Variants in MYO1A observed in about 807,000 individuals in gnomAD.
MYO1A encodes the protein myosin IA, also known as unconventional myosin-Ia.
Under a neutral mutation model 138.5 loss-of-function variants are expected in MYO1A, and 127 were observed. That is an observed-to-expected ratio of 0.92 (90% CI 0.79 to 1.06). The LOEUF (loss-of-function observed/expected upper bound fraction) is 1.06, where lower values mean the gene tolerates loss of function less well. MYO1A is among the 50% of genes least tolerant of loss of function. The probability of loss-of-function intolerance (pLI) is 0.00; values close to 1 mark genes in which losing one functional copy is unlikely to be tolerated. For synonymous variants in MYO1A, 477 were observed against 497.5 expected, an observed-to-expected ratio of 0.96 and a Z score of 0.55; for missense variants, 1,211 against 1,288.8, an observed-to-expected ratio of 0.94 and a Z score of 0.92.
Position 57,041,159 on chromosome 12 carries a change from G to C in MYO1A, c.1269+25C>G, listed in dbSNP as rs749940088. 5.4e-5 allele frequency: 84 copies of C among 1,563,016 alleles called. 1 individual carries two copies. The highest frequency in any genetic ancestry group is 1.2e-4 in the Admixed American group (7 of 59,916). ...ATATGCCTAGAAGTTGTTTAAGAGG[G>C]GGAAGTAGAAAAGACTTGGTTTACT... On this transcript the variant is annotated intron_variant, in intron 14 of 27. Transcript: ENST00000300119.
chr12:57,036,877 C>A, intron 20 of MYO1A, 37 bp from the exon 21 acceptor site: 1 of 1,614,082 alleles, frequency 6.2e-7, no homozygotes, highest in Non-Finnish European at 8.5e-7. Context: ...AAAATGGCAC[C>A]TCCTGAGCCA....
At chr12:57,043,414 G>T in intron 10 of MYO1A, 56 bp from the exon 11 acceptor site, 1 of 1,533,864 alleles carries the variant, frequency 6.5e-7, no homozygotes. Context: ...CTCAGGGGAG[G>T]GAGTGCAATC....
At position 57,046,643 on chromosome 12, in the gene MYO1A, A is replaced by G; in HGVS notation, c.549T>C (p.Leu183=). 6.2e-7 allele frequency: 1 copy of G among 1,606,460 alleles called. No homozygotes were observed. Among genetic ancestry groups the G allele is most frequent in the Non-Finnish European group, 8.5e-7 (1 of 1,173,024 alleles). Residue 183 remains leucine (L), a synonymous_variant, in exon 8 of 28, where the codon CTT becomes CTC. Transcript: ENST00000300119. ...PLGGVITNYL[L]EKSRLVKQLK... ...GCTGCTTCACTAATCGGGATTTCTC[A>G]AGCAGATCTGGCAGAGAATTAGAAA... is the stretch of plus-strand genomic sequence containing the variant.
At chr12:57,030,736 A>G (rs1349105452) in intron 23 of MYO1A, among the ~76,000 whole-genome samples, 1 of 152,164 alleles carries the variant, frequency 6.6e-6, no homozygotes, top group African/African-American at 2.4e-5. Flanking sequence ...AGATTATAAG[A>G]TATCAGGGGC....
In MYO1A at chr12:57,036,333, A is replaced by T; in HGVS notation, c.2323T>A (p.Leu775Met). ...KYFRSEAALT[L>M]ADFIYKSMVQ... ...ATGCTCTTGTAGATGAAATCTGCCA[A>T]GGTGAGGGCAGCCTCTGACCGGAAA... The change falls in exon 22 of 28, where the codon TTG (leucine) becomes ATG (methionine). Residue 775 changes from leucine (L) to methionine (M), a missense_variant. Transcript: ENST00000300119. The T allele has an allele frequency of 6.2e-7, 1 of 1,613,910 alleles. No individual in the cohort carries two copies. The highest frequency in any genetic ancestry group is 8.5e-7 in the Non-Finnish European group (1 of 1,179,794).
intron 8 of MYO1A, among the ~76,000 whole-genome samples, chr12:57,046,136 G>A (rs1206390041): frequency 6.6e-6 from 1 of 152,206 alleles, no homozygotes; most frequent in African/African-American, 2.4e-5. Flanking sequence ...TTCAACTAGA[G>A]TTCACTGAAA....
intron 22 of MYO1A, among the ~76,000 whole-genome samples, chr12:57,032,673 A>G (rs916231218): frequency 2.0e-5 from 3 of 152,080 alleles, no homozygotes; most frequent in Admixed American, 6.6e-5. Context: ...ACAGAGCAAG[A>G]CTGTCTAAAA....
intron 22 of MYO1A, among the ~76,000 whole-genome samples, chr12:57,033,748 C>T (rs1045246828): frequency 6.6e-6 from 1 of 152,220 alleles, no homozygotes; most frequent in Non-Finnish European, 1.5e-5. Flanking sequence ...ATTTTTGGCA[C>T]TTCCAAATGT....
rs2031135776 is a variant in MYO1A at position 57,047,121 on chromosome 12, G to C, written c.431-14C>G. ...CATTGCCAAAAGCTACAGAGATGAGGAGGGGAGAAGTGAAACTCTAGAGAA... is the reference window on the plus strand; with the variant it reads ...CATTGCCAAAAGCTACAGAGATGAGCAGGGGAGAAGTGAAACTCTAGAGAA... On this transcript the variant is annotated splice_polypyrimidine_tract_variant and intron_variant, in intron 5 of 27. Coordinates refer to ENST00000300119, the MANE Select transcript of MYO1A (RefSeq NM_005379.4). 1.2e-6 allele frequency: 2 copies of C among 1,613,954 alleles called. No homozygotes were observed. The highest frequency in any genetic ancestry group is 8.5e-7 in the Non-Finnish European group (1 of 1,179,964).
intron 1 of MYO1A, among the ~76,000 whole-genome samples, chr12:57,048,878 C>T (rs1361160299): frequency 1.3e-5 from 2 of 152,196 alleles, no homozygotes; most frequent in Non-Finnish European, 2.9e-5. Context: ...CCAAAGGTCT[C>T]TCCTTCCCTG....
chr12:57,047,407 T>G lies in MYO1A; in HGVS notation c.326A>C (p.Glu109Ala). The change falls in exon 5 of 28, where the codon GAG becomes GCG. Residue 109 changes from glutamate (E) to alanine (A), a missense_variant and splice_region_variant. Transcript: ENST00000300119. ...ATAAGACATCACCAGCTTGCTGGCC[T>G]CTGTGCAGGCAAAACGCTCTCATGG... ...ITGESGSGKT[E>A]ASKLVMSYVA... The G allele has an allele frequency of 6.2e-7, 1 of 1,614,018 alleles. No individual in the cohort carries two copies. Among genetic ancestry groups the G allele is most frequent in the African/African-American group, 1.3e-5 (1 of 75,020 alleles).
rs138855953 is a variant in MYO1A, at chr12:57,036,985, C to T, written c.2162G>A (p.Arg721Gln). The change falls in exon 20 of 28, where the codon CGA (arginine) becomes CAA (glutamine). Residue 721 changes from arginine to glutamine, a missense_variant. Coordinates refer to ENST00000300119, the MANE Select transcript of MYO1A (RefSeq NM_005379.4). ...AGAGGAGATGAGGATCTGACTCTTT[C>T]GCATCAGTTGGTAGTGGGTGCGGCA... The part of the protein sequence containing the change: ...WRCRTHYQLM[R>Q]KSQILISSWF... 29 of 1,614,174 alleles carry T rather than the reference C, an allele frequency of 1.8e-5. No homozygotes were observed. The highest frequency in any genetic ancestry group is 1.5e-4 in the African/African-American group (11 of 75,030).
At position 57,039,273 on chromosome 12, in the gene MYO1A, C is replaced by A. The variant is rs372646326; in HGVS notation, c.1271G>T (p.Gly424Val). Reference protein sequence around the residue: ...KEEQEEYKREGIPWTKVDYFD... With the variant: ...KEEQEEYKREVIPWTKVDYFD... ...GTAGTCCACCTTTGTCCACGGTATG[C>A]CCTGGTCAGGGGAGACAACAAATTA... Residue 424 changes from glycine (G) to valine (V), a missense_variant and splice_region_variant, in exon 15 of 28, where the codon GGC becomes GTC. Transcript: ENST00000300119. 6.2e-7 allele frequency: 1 copy of A among 1,613,514 alleles called. No individual in the cohort carries two copies. Among genetic ancestry groups the A allele is most frequent in the African/African-American group, 1.3e-5 (1 of 74,912 alleles).
rs1384695801 is a variant in MYO1A, at chr12:57,037,812, C to G, written c.1961+57G>C. 3.8e-6 allele frequency: 6 copies of G among 1,588,044 alleles called. No homozygotes were observed. In the South Asian group the frequency reaches 5.5e-5, roughly 15 times the overall value. On this transcript the variant is annotated intron_variant, in intron 18 of 27. Coordinates refer to ENST00000300119, the MANE Select transcript of MYO1A (RefSeq NM_005379.4). ...CACTGCACCTCCAGGTCTCTTCCCC[C>G]AGAGATGTTTCCTGCACTGCCCTTT...
At position 57,037,652 on chromosome 12, in the gene MYO1A, A is replaced by C. The variant is rs2030626331; in HGVS notation, c.1962-11T>G. 6.2e-7 allele frequency: 1 copy of C among 1,612,912 alleles called. No individual in the cohort carries two copies. Among genetic ancestry groups the C allele is most frequent in the African/African-American group, 1.3e-5 (1 of 74,908 alleles). On this transcript the variant is annotated splice_polypyrimidine_tract_variant and intron_variant, in intron 18 of 27. Transcript: ENST00000300119. The stretch of plus-strand genomic sequence containing the variant: ...TTCTCAACACCTTCCCTATGGAAGC[A>C]AATGACAGAAAGCTGCAGAGGGGTA...
chr12:57,047,410 G>A lies in MYO1A; in HGVS notation c.326-3C>T, dbSNP rs2031152398. ...AGACATCACCAGCTTGCTGGCCTCT[G>A]TGCAGGCAAAACGCTCTCATGGGTC... On this transcript the variant is annotated splice_polypyrimidine_tract_variant and splice_region_variant and intron_variant, in intron 4 of 27. Transcript: ENST00000300119. 3 of 1,613,900 alleles carry A rather than the reference G, an allele frequency of 1.9e-6. No individual in the cohort carries two copies. Among genetic ancestry groups the A allele is most frequent in the Non-Finnish European group, 2.5e-6 (3 of 1,179,844 alleles).
intron 1 of MYO1A, among the ~76,000 whole-genome samples, chr12:57,049,405 C>T (rs1176786856): frequency 1.3e-5 from 2 of 152,152 alleles, no homozygotes; most frequent in Admixed American, 6.5e-5. Context: ...GGTGGAGGAG[C>T]GGAGGAAGGA....
Position 57,028,782 on chromosome 12 carries a change from A to T in MYO1A, c.3105T>A (p.Ser1035Arg). 6.2e-7 allele frequency: 1 copy of T among 1,613,038 alleles called. No homozygotes were observed. The highest frequency in any genetic ancestry group is 8.5e-7 in the Non-Finnish European group (1 of 1,179,766). ...ACTGCACAGTCACCTCCAAGCAATG[A>T]CTCCCCTTTTTTTTGTAGCGTAGCT... ...NSKLRYKKKG[S>R]HCLEVTVQ The change falls in exon 28 of 28, where the codon AGT becomes AGA. Residue 1035 changes from serine to arginine, a missense_variant. Transcript: ENST00000300119.
chr12:57,045,461 C>T (rs775903551), intron 8 of MYO1A, among the ~76,000 whole-genome samples: 6 of 152,034 alleles, frequency 3.9e-5, no homozygotes, highest in Non-Finnish European at 7.4e-5. Context: ...CCTGGGAGAC[C>T]TCATCTAGAG....
Sources: allele counts gnomAD v4.1 joint callset (sites outside exome capture counted in the v4.1 genomes callset), GRCh38; gene constraint gnomAD v4.1.1; transcripts MANE v1.5; gene names NCBI Gene and HGNC (gene_info 2026-07-23, HGNC 2026-07-21).